SIL1: variants seen among roughly 807,000 people sequenced by gnomAD.
The protein encoded by SIL1 is nucleotide exchange factor SIL1.
SIL1 carries 40 observed loss-of-function variants against 49.1 expected under a neutral mutation model. That is an observed-to-expected ratio of 0.81 (90% CI 0.63 to 1.06). SIL1 has a LOEUF of 1.06. Ranked by LOEUF, SIL1 falls within the 50% of genes least tolerant of loss-of-function variation. The probability of loss-of-function intolerance (pLI) is 0.00; values close to 1 mark genes in which losing one functional copy is unlikely to be tolerated. For synonymous variants in SIL1, 253 were observed against 250.8 expected, an observed-to-expected ratio of 1.01 and a Z score of -0.08; for missense variants, 500 against 572.6, an observed-to-expected ratio of 0.87 and a Z score of 1.29.
intron 1 of SIL1, among the ~76,000 whole-genome samples, chr5:139,189,079 T>G (rs1752123745): frequency 6.6e-6 from 1 of 152,236 alleles, no homozygotes; most frequent in African/African-American, 2.4e-5. Flanking sequence ...TTGGTCAGCA[T>G]AACCTATCCT....
intron 1 of SIL1, among the ~76,000 whole-genome samples, chr5:139,196,204 T>A (rs1237223065): frequency 2.0e-5 from 3 of 151,968 alleles, no homozygotes; most frequent in Admixed American, 1.3e-4. Flanking sequence ...ATAATAATAA[T>A]AATAATACAG....
intron 3 of SIL1, among the ~76,000 whole-genome samples, chr5:139,079,000 G>C (rs1028223931): frequency 6.6e-6 from 1 of 152,188 alleles, no homozygotes; most frequent in Non-Finnish European, 1.5e-5. Context: ...CTTGAAATGT[G>C]ACTAGTGATA....
intron 7 of SIL1, among the ~76,000 whole-genome samples, chr5:138,974,911 TC>T (rs1408530882): frequency 6.6e-6 from 1 of 152,186 alleles, no homozygotes; most frequent in Non-Finnish European, 1.5e-5. Context: ...ACTGTCTTCT[TC>T]ATCTCTGAGC....
intron 7 of SIL1, among the ~76,000 whole-genome samples, chr5:138,995,027 A>G (rs1421922017): frequency 2.6e-5 from 4 of 152,184 alleles, no homozygotes; most frequent in African/African-American, 9.7e-5. Context: ...CATGTCCTGC[A>G]AAGGACATGA....
At chr5:138,951,733 T>C in intron 8 of SIL1, 55 bp downstream of exon 8, 3 of 1,517,702 alleles carry the variant, frequency 2.0e-6, no homozygotes, top group Non-Finnish European at 2.7e-6. Context: ...CCCTTTCCTT[T>C]CAGGCCCCAC....
intron 5 of SIL1, among the ~76,000 whole-genome samples, chr5:139,038,873 G>A (rs1488988141): frequency 6.6e-6 from 1 of 152,168 alleles, no homozygotes; most frequent in African/African-American, 2.4e-5. Context: ...CCAAGTTGGG[G>A]GTGGAAGTAC....
intron 2 of SIL1, among the ~76,000 whole-genome samples, chr5:139,123,780 C>T (rs1750701934): frequency 6.6e-6 from 1 of 152,220 alleles, no homozygotes; most frequent in Non-Finnish European, 1.5e-5. Context: ...AGCTGCTACT[C>T]CGCTGGTCTA....
intron 7 of SIL1, among the ~76,000 whole-genome samples, chr5:138,984,975 C>G (rs1391007137): frequency 6.6e-6 from 1 of 152,204 alleles, no homozygotes; most frequent in African/African-American, 2.4e-5. Context: ...GGCACAACGG[C>G]AGCAGTGGAA....
intron 1 of SIL1, among the ~76,000 whole-genome samples, chr5:139,155,972 A>G (rs1435734533): frequency 3.3e-5 from 5 of 152,078 alleles, no homozygotes; most frequent in Non-Finnish European, 1.5e-5. Flanking sequence ...AGCTGGGATT[A>G]CAGGAACACA....
intron 3 of SIL1, among the ~76,000 whole-genome samples, chr5:139,116,425 T>C (rs1770990920): frequency 6.6e-6 from 1 of 152,202 alleles, no homozygotes; most frequent in Non-Finnish European, 1.5e-5. Context: ...CACAGCCGCC[T>C]GGAGTCAGAT....
At chr5:139,121,233 A>G (rs1161230676) in intron 2 of SIL1, 60 bp from the exon 3 acceptor site, 5 of 1,611,672 alleles carry the variant, frequency 3.1e-6, no homozygotes, top group Non-Finnish European at 3.4e-6. Context: ...AAGCAGAAAA[A>G]AAATGGCCTA....
At chr5:139,192,868 A>T (rs574003855) in intron 1 of SIL1, among the ~76,000 whole-genome samples, 1 of 151,806 alleles carries the variant, frequency 6.6e-6, no homozygotes, top group Non-Finnish European at 1.5e-5. Context: ...GTGGTGGCAC[A>T]TGCCTGTAGT....
chr5:139,031,596 C>T (rs1768793970), intron 5 of SIL1, among the ~76,000 whole-genome samples: 1 of 152,118 alleles, frequency 6.6e-6, no homozygotes, highest in African/African-American at 2.4e-5. Flanking sequence ...ATTCTAGTTC[C>T]TTCAACTTTC....
rs749914019 is a variant in SIL1 at position 139,127,785 on chromosome 5, A to G, written c.59T>C (p.Leu20Pro). 2 of 1,611,216 alleles carry G rather than the reference A, an allele frequency of 1.2e-6. No homozygotes were observed. The highest frequency in any genetic ancestry group is 3.3e-5 in the Admixed American group (2 of 59,772). ...GAAGGTGAAGCAGGCGGCCATCAGC[A>G]GCCCAAGCAGCATGCCCAGAGGAGC... ...RMAPLGMLLG[L>P]LMAACFTFCL... Residue 20 changes from leucine (L) to proline (P), a missense_variant, in exon 2 of 10, where the codon CTG becomes CCG. By Grantham distance (98) the Leu-to-Pro change is moderately conservative. Transcript: ENST00000394817.
At chr5:139,091,579 A>G (rs1770342899) in intron 3 of SIL1, among the ~76,000 whole-genome samples, 1 of 152,242 alleles carries the variant, frequency 6.6e-6, no homozygotes, top group Non-Finnish European at 1.5e-5. Flanking sequence ...ATTTGCATAT[A>G]CAGCCCCTAT....
chr5:139,016,046 C>A (rs1439132950), intron 7 of SIL1, among the ~76,000 whole-genome samples: 1 of 152,048 alleles, frequency 6.6e-6, no homozygotes, highest in African/African-American at 2.4e-5. Context: ...ATGATCACAC[C>A]TGTGAAGAGC....
At chr5:138,960,900 A>ATAAT (rs1241681824) in intron 7 of SIL1, among the ~76,000 whole-genome samples, 2 of 152,208 alleles carry the variant, frequency 1.3e-5, no homozygotes, top group Non-Finnish European at 2.9e-5. Context: ...ATGAAAAAGA[A>ATAAT]AATTAGAGTT....
chr5:139,081,587 A>T, intron 3 of SIL1, among the ~76,000 whole-genome samples: 1 of 152,222 alleles, frequency 6.6e-6, no homozygotes, highest in African/African-American at 2.4e-5. Context: ...TGGCTACAAG[A>T]ACCACAGAAG....
intron 1 of SIL1, among the ~76,000 whole-genome samples, chr5:139,128,823 C>T (rs562429864): frequency 1.1e-4 from 16 of 152,214 alleles, no homozygotes; most frequent in African/African-American, 1.7e-4. Context: ...TATGACATTT[C>T]GGGGGACCCA....
Sources: gnomAD v4.1 joint callset for allele counts (sites outside exome capture counted in the v4.1 genomes callset) on GRCh38, gnomAD v4.1.1 for gene constraint, MANE v1.5 for transcripts, NCBI Gene and HGNC (gene_info 2026-07-23, HGNC 2026-07-21) for gene names.